The following KSR2 variants were observed in gnomAD, a reference collection of about 807,000 sequenced individuals.
The protein encoded by KSR2 is kinase suppressor of ras 2.
A neutral mutation model predicts 107.8 loss-of-function variants in KSR2; 25 were observed. The ratio of observed to expected loss-of-function variants is 0.23; its 90% CI spans 0.17 to 0.32. The LOEUF (loss-of-function observed/expected upper bound fraction) is 0.32, where lower values mean the gene tolerates loss of function less well. Among genes scored for constraint, KSR2 ranks in the 10% least tolerant of loss-of-function variants. The probability of loss-of-function intolerance (pLI) is 1.00; values close to 1 mark genes in which losing one functional copy is unlikely to be tolerated. For synonymous variants in KSR2, 480 were observed against 507.0 expected (o/e 0.95, Z 0.71); for missense variants, 887 against 1,268.9 (o/e 0.70, Z 4.57).
intron 4 of KSR2, among the ~76,000 whole-genome samples, chr12:117,675,115 C>CCA (rs1423715995): frequency 2.0e-5 from 3 of 152,214 alleles, no homozygotes; most frequent in Non-Finnish European, 4.4e-5. Context: ...GCTCCCAGCA[C>CCA]CACCTGCTTT....
intron 3 of KSR2, among the ~76,000 whole-genome samples, chr12:117,812,619 A>G (rs1891230348): frequency 6.6e-6 from 1 of 152,124 alleles, no homozygotes; most frequent in Non-Finnish European, 1.5e-5. Context: ...TCTACAAGGA[A>G]AGCTATAAAA....
chr12:117,724,761 C>A (rs776626723), intron 4 of KSR2, among the ~76,000 whole-genome samples: 1 of 150,840 alleles, frequency 6.6e-6, no homozygotes, highest in South Asian at 2.1e-4. Context: ...TCCCTTGTAG[C>A]GAGGGTTGTT....
rs1203791088 is a variant in KSR2, at chr12:117,458,555, T to C, written c.*8644A>G. ...GGAGGGAGCCTTTCTTCTGAGCTAA[T>C]TTAAGCTAAATACATGGCAGCTATT... On this transcript the variant is annotated 3_prime_UTR_variant, in exon 20 of 20. Coordinates refer to ENST00000339824, the MANE Select transcript of KSR2 (RefSeq NM_173598.6). 1.3e-5 allele frequency: 2 copies of C among 152,228 alleles called. No individual in the cohort carries two copies. Among genetic ancestry groups the C allele is most frequent in the Non-Finnish European group, 2.9e-5 (2 of 68,038 alleles). The allele number at this position is 152,228 out of a possible 1,614,324, so 9.4% of individuals were successfully genotyped here. A position where few individuals can be genotyped will look rare whatever the true frequency, so the allele number is the denominator to read the frequency against.
chr12:117,576,013 GC>G (rs1879262597), intron 7 of KSR2, among the ~76,000 whole-genome samples: 1 of 152,128 alleles, frequency 6.6e-6, no homozygotes, highest in South Asian at 2.1e-4. Flanking sequence ...TGTTCTTGAA[GC>G]TTACCCCCCC....
At chr12:117,825,015 A>G (rs149227032) in intron 3 of KSR2, among the ~76,000 whole-genome samples, 2,947 of 152,102 alleles carry the variant, frequency 0.019, 105 homozygotes, top group African/African-American at 0.068. Context: ...CCCTGTCTCT[A>G]GTAAAAATAC....
At chr12:117,732,042 A>T (rs527739144) in intron 4 of KSR2, among the ~76,000 whole-genome samples, 3 of 42,534 alleles carry the variant, frequency 7.1e-5, no homozygotes, top group East Asian at 5.9e-4. Flanking sequence ...AAATACTATT[A>T]AAAAAAAAAG....
At chr12:117,605,909 T>C (rs922320528) in intron 5 of KSR2, among the ~76,000 whole-genome samples, 31 of 152,102 alleles carry the variant, frequency 2.0e-4, no homozygotes, top group African/African-American at 7.5e-4. Context: ...CACTTATAAG[T>C]GGGAGATGAA....
chr12:117,643,537 T>G (rs1177866054), intron 5 of KSR2, among the ~76,000 whole-genome samples: 1 of 152,220 alleles, frequency 6.6e-6, no homozygotes, highest in East Asian at 1.9e-4. Flanking sequence ...CAAAAAAGGA[T>G]GCAGGATATG....
chr12:117,947,260 G>GGAA (rs1896230470), intron 1 of KSR2, among the ~76,000 whole-genome samples: 8 of 70,888 alleles, frequency 1.1e-4, no homozygotes, highest in Non-Finnish European at 1.8e-4. Flanking sequence ...AAAGAAAGAA[G>GGAA]ATAAACCACA....
At chr12:117,648,552 G>A (rs79772345) in intron 5 of KSR2, among the ~76,000 whole-genome samples, 1 of 152,224 alleles carries the variant, frequency 6.6e-6, no homozygotes, top group Non-Finnish European at 1.5e-5. Flanking sequence ...ATAAGATATT[G>A]CCTTTACAGA....
chr12:117,799,165 A>G (rs576652367), intron 3 of KSR2, among the ~76,000 whole-genome samples: 1 of 152,242 alleles, frequency 6.6e-6, no homozygotes, highest in Non-Finnish European at 1.5e-5. Context: ...ATGATTGCAC[A>G]ACATTGTAAA....
chr12:117,567,890 C>T (rs1878623649), intron 7 of KSR2, among the ~76,000 whole-genome samples: 1 of 151,338 alleles, frequency 6.6e-6, no homozygotes, highest in East Asian at 1.9e-4. Flanking sequence ...ATGTGAGTTC[C>T]CCTGTGGTCT....
intron 4 of KSR2, among the ~76,000 whole-genome samples, chr12:117,704,488 C>A (rs1886444540): frequency 6.6e-6 from 1 of 152,154 alleles, no homozygotes; most frequent in African/African-American, 2.4e-5. Flanking sequence ...GCCTGTGTGA[C>A]CCATAAAGCC....
At chr12:117,744,436 C>A (rs1284080975) in intron 4 of KSR2, among the ~76,000 whole-genome samples, 1 of 152,122 alleles carries the variant, frequency 6.6e-6, no homozygotes, top group Non-Finnish European at 1.5e-5. Flanking sequence ...GGCTGGTAGA[C>A]ATAAGCCTTT....
At chr12:117,831,294 C>T (rs920688565) in intron 3 of KSR2, among the ~76,000 whole-genome samples, 5 of 152,212 alleles carry the variant, frequency 3.3e-5, no homozygotes, top group African/African-American at 4.8e-5. Flanking sequence ...TTCTTTCCCT[C>T]GAGGAGAAGT....
At chr12:117,844,403 A>C (rs1892619384) in intron 3 of KSR2, among the ~76,000 whole-genome samples, 1 of 152,136 alleles carries the variant, frequency 6.6e-6, no homozygotes, top group Admixed American at 6.5e-5. Context: ...CCAATGACAG[A>C]AATTACTGAG....
intron 14 of KSR2, among the ~76,000 whole-genome samples, chr12:117,501,888 A>T (rs1157471361): frequency 6.6e-6 from 1 of 152,214 alleles, no homozygotes; most frequent in Non-Finnish European, 1.5e-5. Context: ...CCTATATCAC[A>T]TCCTCACAGA....
intron 14 of KSR2, among the ~76,000 whole-genome samples, chr12:117,488,033 T>C (rs1018800549): frequency 1.3e-5 from 2 of 152,172 alleles, no homozygotes; most frequent in East Asian, 1.9e-4. Context: ...GTTTCCCCCA[T>C]ACTGTTCTCC....
In KSR2 at chr12:117,456,382, T is replaced by C. The variant is rs975914788; in HGVS notation, c.*10817A>G. 2.6e-5 allele frequency: 4 copies of C among 152,172 alleles called. No homozygotes were observed. Among genetic ancestry groups the C allele is most frequent in the African/African-American group, 7.2e-5 (3 of 41,444 alleles). 9.4% of individuals were successfully genotyped at this position (152,172 alleles called of 1,614,324 possible). A position where few individuals can be genotyped will look rare whatever the true frequency, so the allele number is the denominator to read the frequency against. ...CCTTGATGCCCATGCTGTAGCTACA[T>C]AGCAGTTACTTGAACTTACACAAGT... On this transcript the variant is annotated 3_prime_UTR_variant, in exon 20 of 20. Transcript: ENST00000339824.
Sources: gnomAD v4.1 joint callset for allele counts (sites outside exome capture counted in the v4.1 genomes callset) on GRCh38, gnomAD v4.1.1 for gene constraint, MANE v1.5 for transcripts, NCBI Gene and HGNC (gene_info 2026-07-23, HGNC 2026-07-21) for gene names.